The following ANKRD12 variants were observed in gnomAD, a reference collection of about 807,000 sequenced individuals.
ANKRD12 encodes the protein ankyrin repeat domain 12.
A neutral mutation model predicts 183.4 loss-of-function variants in ANKRD12; 85 were observed. That is an observed-to-expected ratio of 0.46 (90% CI 0.39 to 0.56). The LOEUF (loss-of-function observed/expected upper bound fraction) is 0.56, where lower values mean the gene tolerates loss of function less well. ANKRD12 is among the 20% of genes least tolerant of loss of function. The pLI, the probability that ANKRD12 is intolerant of heterozygous loss-of-function variation, is 0.00. For missense variants in ANKRD12, 2,405 were observed against 2,357.1 expected (o/e 1.02, Z -0.42); for synonymous variants, 914 against 800.2 (o/e 1.14, Z -2.40).
chr18:9,238,893 G>A (rs879493313), intron 8 of ANKRD12, among the ~76,000 whole-genome samples: 2 of 152,164 alleles, frequency 1.3e-5, no homozygotes, highest in Non-Finnish European at 2.9e-5. Flanking sequence ...AGGCCGAGAC[G>A]GGTGAATCAC....
intron 10 of ANKRD12, among the ~76,000 whole-genome samples, chr18:9,272,063 C>T (rs958115346): frequency 6.6e-6 from 1 of 152,182 alleles, no homozygotes; most frequent in Non-Finnish European, 1.5e-5. Context: ...CACTCTATCA[C>T]CCAAGAAACT....
chr18:9,254,383 T>C lies in ANKRD12; in HGVS notation c.1116T>C (p.Asn372=). Residue 372 remains asparagine, a synonymous_variant, in exon 9 of 13, where the codon AAT becomes AAC. Transcript: ENST00000262126. ...AAGATGATGATGATGAAGAAATTAA[T>C]AAGATGATTGATGATAGGCATATTC... ...EFKDDDDEEI[N]KMIDDRHILR... 1 of 1,608,790 alleles carries C rather than the reference T, an allele frequency of 6.2e-7. No homozygotes were observed. Among genetic ancestry groups the C allele is most frequent in the Non-Finnish European group, 8.5e-7 (1 of 1,178,304 alleles).
chr18:9,160,452 A>G (rs2031249245), intron 1 of ANKRD12, among the ~76,000 whole-genome samples: 1 of 152,122 alleles, frequency 6.6e-6, no homozygotes, highest in African/African-American at 2.4e-5. Context: ...TTTTTTTAGT[A>G]TATTCACAGT....
chr18:9,143,818 C>G (rs2078403232), intron 1 of ANKRD12, among the ~76,000 whole-genome samples: 1 of 151,148 alleles, frequency 6.6e-6, no homozygotes, highest in African/African-American at 2.4e-5. Flanking sequence ...CCACCGCCCT[C>G]TTTAGTGTGT....
chr18:9,234,241 G>A (rs1371637726), intron 8 of ANKRD12, among the ~76,000 whole-genome samples: 1 of 152,178 alleles, frequency 6.6e-6, no homozygotes, highest in East Asian at 1.9e-4. Flanking sequence ...GCCTCCCGTG[G>A]TAGCAGCAAC....
intron 3 of ANKRD12, among the ~76,000 whole-genome samples, chr18:9,197,075 T>C (rs1288332585): frequency 6.6e-6 from 1 of 152,164 alleles, no homozygotes; most frequent in African/African-American, 2.4e-5. Context: ...TTTGATAAAT[T>C]CAAAAAATAT....
At chr18:9,278,260 A>G (rs887504350) in intron 11 of ANKRD12, among the ~76,000 whole-genome samples, 4 of 152,104 alleles carry the variant, frequency 2.6e-5, no homozygotes, top group Non-Finnish European at 5.9e-5. Flanking sequence ...GTTATTTCCT[A>G]TGGGAGTAGC....
At chr18:9,186,193 T>A (rs1316197356) in intron 2 of ANKRD12, among the ~76,000 whole-genome samples, 1 of 147,542 alleles carries the variant, frequency 6.8e-6, no homozygotes, top group African/African-American at 2.5e-5. Flanking sequence ...CAGGCTGGAG[T>A]GCAGTGGCGC....
At chr18:9,244,764 G>A (rs974802638) in intron 8 of ANKRD12, among the ~76,000 whole-genome samples, 4 of 152,176 alleles carry the variant, frequency 2.6e-5, no homozygotes, top group African/African-American at 9.7e-5. Flanking sequence ...GTATAAGCAT[G>A]CTTTCTGAAA....
chr18:9,217,028 A>G lies in ANKRD12; in HGVS notation c.795+128A>G, dbSNP rs1457002799. On this transcript the variant is annotated intron_variant, in intron 7 of 12. Coordinates refer to ENST00000262126, the MANE Select transcript of ANKRD12 (RefSeq NM_015208.5). ...CACTCATTGCTTGAACAACTCATCT[A>G]TATTTTGTTTTCCCTTTTTTCTACT... The G allele has an allele frequency of 8.1e-6, 7 of 865,772 alleles. No homozygotes were observed. In the African/African-American group the frequency reaches 8.9e-5, roughly 11 times the overall value. The allele number at this position is 865,772 out of a possible 1,614,324, so 53.6% of individuals were successfully genotyped here.
chr18:9,158,994 AC>A (rs2031011546), intron 1 of ANKRD12, among the ~76,000 whole-genome samples: 1 of 152,152 alleles, frequency 6.6e-6, no homozygotes, highest in South Asian at 2.1e-4. Flanking sequence ...TTCACTTTGC[AC>A]CTGTATGCCT....
rs577774294 is a variant in ANKRD12 at position 9,236,349 on chromosome 18, A to G, written c.943+14350A>G. Among the ~76,000 whole-genome samples the G allele has an allele frequency of 1.5e-4, 23 of 152,324 alleles. No individual in the cohort carries two copies. The South Asian group carries it at 4.6e-3, about 30-fold the overall frequency. On this transcript the variant is annotated intron_variant, in intron 8 of 12. Transcript: ENST00000262126. ...TTGCCTAGAAAAGTGAGAGAATGAT[A>G]AATTTAAACAAACAGAATGTTAACC...
At chr18:9,219,982 T>C (rs370915979) in intron 7 of ANKRD12, among the ~76,000 whole-genome samples, 1 of 152,210 alleles carries the variant, frequency 6.6e-6, no homozygotes, top group East Asian at 1.9e-4. Flanking sequence ...GAAACCTAGT[T>C]GATCTTTTAA....
intron 1 of ANKRD12, among the ~76,000 whole-genome samples, chr18:9,146,534 A>G (rs866549228): frequency 2.0e-5 from 3 of 152,228 alleles, no homozygotes; most frequent in African/African-American, 7.2e-5. Context: ...ATAAAAAAAA[A>G]TTAAAAACCA....
At chr18:9,210,124 CTT>C (rs746822786) in intron 5 of ANKRD12, among the ~76,000 whole-genome samples, 1 of 151,902 alleles carries the variant, frequency 6.6e-6, no homozygotes, top group Non-Finnish European at 1.5e-5. Context: ...GAATGGAAAA[CTT>C]TTGAAATATC....
At position 9,258,026 on chromosome 18, in the gene ANKRD12, T is replaced by C. The variant is rs1472096253; in HGVS notation, c.4759T>C (p.Ser1587Pro). 6.2e-7 allele frequency: 1 copy of C among 1,613,698 alleles called. No individual in the cohort carries two copies. The highest frequency in any genetic ancestry group is 2.2e-5 in the East Asian group (1 of 44,866). ...EKAYTLPVLP[S>P]EKDFNGSDAS... Reference sequence around the variant, plus strand: ...AGCTTATACTTTACCTGTGTTACCATCAGAAAAGGACTTTAATGGAAGTGA... The same window carrying C: ...AGCTTATACTTTACCTGTGTTACCACCAGAAAAGGACTTTAATGGAAGTGA... Residue 1587 changes from serine to proline, a missense_variant, in exon 9 of 13, where the codon TCA becomes CCA. Physicochemically the swap from Ser to Pro is moderately conservative, Grantham distance 74. Coordinates refer to ENST00000262126, the MANE Select transcript of ANKRD12 (RefSeq NM_015208.5).
At chr18:9,274,736 A>C (rs1360956854) in intron 10 of ANKRD12, among the ~76,000 whole-genome samples, 1 of 152,208 alleles carries the variant, frequency 6.6e-6, no homozygotes, top group East Asian at 1.9e-4. Flanking sequence ...ATGTATTTCT[A>C]CTTTTGGAAC....
In ANKRD12 at chr18:9,278,906, T is replaced by C. The variant is rs144517497; in HGVS notation, c.5908-643T>C. On this transcript the variant is annotated intron_variant, in intron 11 of 12. Coordinates refer to ENST00000262126, the MANE Select transcript of ANKRD12 (RefSeq NM_015208.5). The stretch of plus-strand genomic sequence containing the variant: ...GAGTGCTTCCTGTGTACCTAAGCAT[T>C]ATGATGAGGGCTTTATAGACACTTT... Among the ~76,000 whole-genome samples the C allele has an allele frequency of 2.8e-3, 424 of 152,222 alleles. 1 individual carries two copies. Among genetic ancestry groups the C allele is most frequent in the African/African-American group, 9.9e-3 (410 of 41,544 alleles).
intron 1 of ANKRD12, among the ~76,000 whole-genome samples, chr18:9,137,358 A>C (rs2078144060): frequency 6.8e-6 from 1 of 146,156 alleles, no homozygotes; most frequent in African/African-American, 2.5e-5. Context: ...GGCGCCCCTC[A>C]CCGCGGCTGG....
Sources: gnomAD v4.1 joint callset for allele counts (sites outside exome capture counted in the v4.1 genomes callset) on GRCh38, gnomAD v4.1.1 for gene constraint, MANE v1.5 for transcripts, NCBI Gene and HGNC (gene_info 2026-07-23, HGNC 2026-07-21) for gene names.